The following SLC25A38 variants were observed in gnomAD, a reference collection of about 807,000 sequenced individuals.
SLC25A38 encodes mitochondrial glycine transporter.
SLC25A38 carries 27 observed loss-of-function variants against 33.4 expected under a neutral mutation model. The observed-to-expected ratio is 0.81, with a 90% CI of 0.60 to 1.11. The LOEUF is 1.11. SLC25A38 is among the 50% of genes most tolerant of loss of function. The probability of loss-of-function intolerance (pLI) is 0.00; values close to 1 mark genes in which losing one functional copy is unlikely to be tolerated. For missense variants in SLC25A38, 344 were observed against 388.8 expected (o/e 0.88, Z 0.97); for synonymous variants, 123 against 145.9 (o/e 0.84, Z 1.13).
chr3:39,394,419 A>T lies in SLC25A38; in HGVS notation c.635A>T (p.Asp212Val). The stretch of plus-strand genomic sequence containing the variant: ...CTTTGTTCTATTTCAGACCAGGTGG[A>T]TGCAACCCTTATTCCTATTACAAAT... ...TKNIVPHDQV[D>V]ATLIPITNFS... The change falls in exon 6 of 7, where the codon GAT becomes GTT. Residue 212 changes from aspartate to valine, a missense_variant. Physicochemically the swap from Asp to Val is radical, Grantham distance 152 (BLOSUM62 -3). This residue lies in a region of SLC25A38 where 269 missense variants were observed against 271.8 expected (regional missense o/e 0.99). Coordinates refer to ENST00000650617, the MANE Select transcript of SLC25A38 (RefSeq NM_017875.4). 2 of 1,612,754 alleles carry T rather than the reference A, an allele frequency of 1.2e-6. No individual in the cohort carries two copies. The highest frequency in any genetic ancestry group is 1.7e-6 in the Non-Finnish European group (2 of 1,179,990).
At chr3:39,395,325 C>A (rs1263256993) in intron 6 of SLC25A38, among the ~76,000 whole-genome samples, 1 of 151,920 alleles carries the variant, frequency 6.6e-6, no homozygotes, top group African/African-American at 2.4e-5. Context: ...GTAATCCCAG[C>A]ATTTTGGGAG....
intron 1 of SLC25A38, among the ~76,000 whole-genome samples, chr3:39,387,452 T>C (rs903699224): frequency 1.2e-4 from 18 of 151,940 alleles, no homozygotes; most frequent in Non-Finnish European, 1.0e-4. Flanking sequence ...ACTGGGAAGA[T>C]TGAGGGCTTG....
At chr3:39,390,036 G>A (rs2041744542) in intron 2 of SLC25A38, among the ~76,000 whole-genome samples, 1 of 152,186 alleles carries the variant, frequency 6.6e-6, no homozygotes, top group African/African-American at 2.4e-5. Flanking sequence ...TGCCTCCCAG[G>A]TTCAAGGGAT....
At chr3:39,392,933 C>T (rs1186463643) in intron 5 of SLC25A38, among the ~76,000 whole-genome samples, 1 of 152,108 alleles carries the variant, frequency 6.6e-6, no homozygotes, top group Non-Finnish European at 1.5e-5. Context: ...CTTCTCAATC[C>T]ATCTTTAAAA....
intron 6 of SLC25A38, among the ~76,000 whole-genome samples, chr3:39,395,705 C>T (rs1445203154): frequency 6.6e-6 from 1 of 151,746 alleles, no homozygotes; most frequent in Non-Finnish European, 1.5e-5. Context: ...AGACAAATGA[C>T]AAGAAGGCAC....
At chr3:39,394,600 G>C in intron 6 of SLC25A38, 24 bp downstream of exon 6, 2 of 1,613,814 alleles carry the variant, frequency 1.2e-6, no homozygotes, top group Non-Finnish European at 1.7e-6. Flanking sequence ...ATAAGTACTG[G>C]TTCTTGTGGT....
At chr3:39,388,648 T>C (rs1426475820) in intron 1 of SLC25A38, among the ~76,000 whole-genome samples, 1 of 152,268 alleles carries the variant, frequency 6.6e-6, no homozygotes, top group Admixed American at 6.5e-5. Flanking sequence ...TGTTTATTTA[T>C]TTATTTATTT....
chr3:39,384,261 G>A (rs114043289), intron 1 of SLC25A38, among the ~76,000 whole-genome samples: 3,496 of 152,298 alleles, frequency 0.023, 125 homozygotes, highest in African/African-American at 0.078. Context: ...CAGTCGTGGC[G>A]GCACCCTTCC....
At chr3:39,394,875 T>C (rs2041810525) in intron 6 of SLC25A38, among the ~76,000 whole-genome samples, 1 of 152,098 alleles carries the variant, frequency 6.6e-6, no homozygotes, top group Non-Finnish European at 1.5e-5. Flanking sequence ...ATTGCTGAAC[T>C]CTACCCCAGA....
intron 5 of SLC25A38, among the ~76,000 whole-genome samples, chr3:39,393,750 C>T (rs1272740140): frequency 2.0e-5 from 3 of 152,188 alleles, no homozygotes; most frequent in Non-Finnish European, 2.9e-5. Flanking sequence ...CCTCCCGCCT[C>T]GGCCTCCGAA....
At chr3:39,394,797 T>G (rs746340072) in intron 6 of SLC25A38, among the ~76,000 whole-genome samples, 1 of 152,182 alleles carries the variant, frequency 6.6e-6, no homozygotes, top group Non-Finnish European at 1.5e-5. Context: ...AACCACAAAA[T>G]TGATATTTCT....
rs374604395 is a variant in SLC25A38 at position 39,389,620 on chromosome 3, G to A, written c.191+4G>A. 5.0e-6 allele frequency: 8 copies of A among 1,614,160 alleles called. No homozygotes were observed. The African/African-American group carries it at 9.3e-5, about 19-fold the overall frequency. Reference sequence around the variant, plus strand: ...CCCTCCAGCCCTCAGATCATGGGTAGGCCCTGCATTTCATTGGGGAACTGA... The same window carrying A: ...CCCTCCAGCCCTCAGATCATGGGTAAGCCCTGCATTTCATTGGGGAACTGA... On this transcript the variant is annotated splice_donor_region_variant and intron_variant, in intron 2 of 6. Coordinates refer to ENST00000650617, the MANE Select transcript of SLC25A38 (RefSeq NM_017875.4). The surrounding 1 kb of genome is among the most constrained non-coding windows in gnomAD (Gnocchi z 4.5).
In SLC25A38 at chr3:39,391,956, G is replaced by A. The variant is rs121918331; in HGVS notation, c.560G>A (p.Arg187Gln). ...AGTGGCCTGACAGCAACTCTCCTTC[G>A]AGATGCGCCCTTCTCAGGAATCTAC... ...LFSGLTATLL[R>Q]DAPFSGIYLM... Residue 187 changes from arginine (R) to glutamine (Q), a missense_variant, in exon 5 of 7, where the codon CGA (arginine) becomes CAA (glutamine). Transcript: ENST00000650617. The A allele has an allele frequency of 5.0e-6, 8 of 1,614,086 alleles. No individual in the cohort carries two copies. Among genetic ancestry groups the A allele is most frequent in the East Asian group, 2.2e-5 (1 of 44,902 alleles).
chr3:39,385,787 A>G (rs549156481), intron 1 of SLC25A38, among the ~76,000 whole-genome samples: 1 of 152,358 alleles, frequency 6.6e-6, no homozygotes, highest in South Asian at 2.1e-4. Context: ...CGCAGTCATA[A>G]GGGAGATGGG....
At chr3:39,393,494 C>A (rs1210423291) in intron 5 of SLC25A38, among the ~76,000 whole-genome samples, 1 of 152,066 alleles carries the variant, frequency 6.6e-6, no homozygotes, top group African/African-American at 2.4e-5. Flanking sequence ...GGAAGTTTAA[C>A]CTAGATAATT....
chr3:39,391,013 T>G (rs1173549836), intron 3 of SLC25A38, among the ~76,000 whole-genome samples: 4 of 152,208 alleles, frequency 2.6e-5, no homozygotes, highest in African/African-American at 9.7e-5. Context: ...GCAGTTTCTT[T>G]GTGATTAGAT....
rs1451042787 is a variant in SLC25A38 at position 39,383,700 on chromosome 3, A to G, written c.-25A>G. The G allele has an allele frequency of 6.2e-7, 1 of 1,613,842 alleles. No homozygotes were observed. The highest frequency in any genetic ancestry group is 8.5e-7 in the Non-Finnish European group (1 of 1,179,806). Reference sequence around the variant, plus strand: ...CGCCCGTCGACGGCACCCTGGGCCCAGAGGACTCGCGGGCCTCATCTCCAA... The same window carrying G: ...CGCCCGTCGACGGCACCCTGGGCCCGGAGGACTCGCGGGCCTCATCTCCAA... On this transcript the variant is annotated 5_prime_UTR_variant, in exon 1 of 7. Coordinates refer to ENST00000650617, the MANE Select transcript of SLC25A38 (RefSeq NM_017875.4).
chr3:39,396,011 C>T (rs2041825016), intron 6 of SLC25A38, among the ~76,000 whole-genome samples: 1 of 151,966 alleles, frequency 6.6e-6, no homozygotes. Context: ...GAGTTCGAGA[C>T]CAGCCTGGCC....
Position 39,389,570 on chromosome 3 carries a change from G to A in SLC25A38, c.145G>A (p.Asp49Asn). The change falls in exon 2 of 7, where the codon GAT becomes AAT. Residue 49 changes from aspartate to asparagine, a missense_variant. Coordinates refer to ENST00000650617, the MANE Select transcript of SLC25A38 (RefSeq NM_017875.4). The surrounding 1 kb of genome is among the most constrained non-coding windows in gnomAD (Gnocchi z 4.5). ...TCSTLLFQPL[D>N]LLKTRLQTLQ... Reference sequence around the variant, plus strand: ...CTCTACCCTCCTTTTCCAACCTCTGGATCTCCTTAAAACACGCCTGCAAAC... The same window carrying A: ...CTCTACCCTCCTTTTCCAACCTCTGAATCTCCTTAAAACACGCCTGCAAAC... 6.2e-7 allele frequency: 1 copy of A among 1,614,070 alleles called. No homozygotes were observed. Among genetic ancestry groups the A allele is most frequent in the Middle Eastern group, 1.6e-4 (1 of 6,062 alleles).
Sources: gnomAD v4.1 joint callset for allele counts (sites outside exome capture counted in the v4.1 genomes callset) on GRCh38, gnomAD v4.1.1 for gene constraint, gnomAD v4.1.1 regional missense constraint, Gnocchi (gnomAD v3.1) non-coding constraint, MANE v1.5 for transcripts, NCBI Gene and HGNC (gene_info 2026-07-23, HGNC 2026-07-21) for gene names.